Variants in CNBD1 observed in about 807,000 individuals in gnomAD.
CNBD1 encodes cyclic nucleotide binding domain containing 1.
Under a neutral mutation model 54.4 loss-of-function variants are expected in CNBD1, and 71 were observed. The ratio of observed to expected loss-of-function variants is 1.30; its 90% CI spans 1.08 to 1.59. The LOEUF is 1.59. CNBD1 is among the 40% of genes most tolerant of loss of function. CNBD1 has a pLI of 0.00. For synonymous variants in CNBD1, 182 were observed against 170.7 expected (o/e 1.07, Z -0.51); for missense variants, 659 against 518.0 (o/e 1.27, Z -2.64).
At chr8:87,061,190 ACT>A (rs1184701060) in intron 4 of CNBD1, among the ~76,000 whole-genome samples, 1 of 152,156 alleles carries the variant, frequency 6.6e-6, no homozygotes, top group Non-Finnish European at 1.5e-5. Flanking sequence ...TCTGCTCAAC[ACT>A]CACCAATCGG....
intron 4 of CNBD1, among the ~76,000 whole-genome samples, chr8:87,062,963 T>C (rs1414788840): frequency 1.3e-5 from 2 of 152,130 alleles, no homozygotes; most frequent in South Asian, 4.1e-4. Context: ...AATTAACATA[T>C]AGCTGCGTTA....
At chr8:87,319,135 G>T (rs1280939830) in intron 8 of CNBD1, among the ~76,000 whole-genome samples, 1 of 152,112 alleles carries the variant, frequency 6.6e-6, no homozygotes, top group African/African-American at 2.4e-5. Flanking sequence ...AATGCTGAGA[G>T]CACATGAAGG....
At chr8:87,305,510 A>G (rs1457707098) in intron 8 of CNBD1, among the ~76,000 whole-genome samples, 1 of 152,176 alleles carries the variant, frequency 6.6e-6, no homozygotes, top group East Asian at 1.9e-4. Flanking sequence ...AAACTATACT[A>G]TAAGGCCATA....
chr8:86,962,888 C>T (rs1353326389), intron 4 of CNBD1, among the ~76,000 whole-genome samples: 3 of 152,132 alleles, frequency 2.0e-5, no homozygotes, highest in Admixed American at 6.5e-5. Flanking sequence ...TTCCCTTCCC[C>T]TGAGACATGG....
At chr8:86,998,611 A>G (rs1808930083) in intron 4 of CNBD1, among the ~76,000 whole-genome samples, 1 of 152,234 alleles carries the variant, frequency 6.6e-6, no homozygotes, top group Admixed American at 6.5e-5. Flanking sequence ...ATGGGGCTAC[A>G]AATAAATTTT....
At chr8:87,308,161 G>A (rs998451927) in intron 8 of CNBD1, among the ~76,000 whole-genome samples, 2 of 152,048 alleles carry the variant, frequency 1.3e-5, no homozygotes, top group Admixed American at 6.6e-5. Flanking sequence ...GCTGGAGTTG[G>A]GTTACATGCA....
chr8:86,975,262 C>T (rs1808315085), intron 4 of CNBD1, among the ~76,000 whole-genome samples: 1 of 151,936 alleles, frequency 6.6e-6, no homozygotes, highest in Non-Finnish European at 1.5e-5. Context: ...TTTAAAACCA[C>T]TCTTTTTAGC....
intron 2 of CNBD1, among the ~76,000 whole-genome samples, chr8:87,393,542 T>C (rs780627251): frequency 6.6e-5 from 10 of 151,882 alleles, no homozygotes; most frequent in Non-Finnish European, 1.3e-4. Flanking sequence ...CTATAAACCA[T>C]GGTTTCTTCC....
intron 8 of CNBD1, among the ~76,000 whole-genome samples, chr8:87,338,943 G>A (rs558878585): frequency 2.0e-5 from 3 of 152,216 alleles, no homozygotes; most frequent in African/African-American, 7.2e-5. Context: ...GTAAGCCCAT[G>A]TCTCTGAACT....
At chr8:87,147,958 C>G (rs1233431668) in intron 4 of CNBD1, among the ~76,000 whole-genome samples, 1 of 152,010 alleles carries the variant, frequency 6.6e-6, no homozygotes, top group African/African-American at 2.4e-5. Flanking sequence ...ATGCAGGATA[C>G]CTTTCTGAAA....
chr8:87,409,112 A>T (rs1807698286), intron 2 of CNBD1, among the ~76,000 whole-genome samples: 1 of 152,192 alleles, frequency 6.6e-6, no homozygotes, highest in African/African-American at 2.4e-5. Flanking sequence ...TCGAAAGCTG[A>T]GAAAGGCTGA....
chr8:87,205,906 A>T (rs1813961722), intron 4 of CNBD1, 87 bp from the exon 5 acceptor site: 2 of 1,121,008 alleles, frequency 1.8e-6, no homozygotes, highest in East Asian at 6.0e-5. Flanking sequence ...AGAAAATACA[A>T]ATTTGGAAAC....
intron 8 of CNBD1, among the ~76,000 whole-genome samples, chr8:87,329,166 C>A (rs1429607637): frequency 2.0e-5 from 3 of 152,016 alleles, no homozygotes; most frequent in Non-Finnish European, 4.4e-5. Flanking sequence ...CAGCACTGTT[C>A]TTTGGAAAGA....
intron 4 of CNBD1, among the ~76,000 whole-genome samples, chr8:87,115,494 C>A (rs536514833): frequency 6.7e-4 from 102 of 152,238 alleles, no homozygotes; most frequent in Non-Finnish European, 1.2e-3. Context: ...AAGTTGCTCA[C>A]TATTTCTATT....
intron 10 of CNBD1, among the ~76,000 whole-genome samples, chr8:87,368,573 G>A (rs907691422): frequency 1.3e-5 from 2 of 151,828 alleles, no homozygotes; most frequent in Non-Finnish European, 2.9e-5. Context: ...GGAGTTTGAG[G>A]CTGCAGTGAG....
intron 10 of CNBD1, among the ~76,000 whole-genome samples, chr8:87,365,596 T>C (rs569091928): frequency 1.2e-4 from 19 of 152,206 alleles, no homozygotes; most frequent in African/African-American, 4.3e-4. Context: ...TATGTTTACA[T>C]TGCCATGCCA....
In CNBD1 at chr8:87,103,061, A is replaced by G. The variant is rs538253300; in HGVS notation, c.432-102932A>G. Among the ~76,000 whole-genome samples, 6 of 152,332 alleles carry G rather than the reference A, an allele frequency of 3.9e-5. No homozygotes were observed. The East Asian group carries it at 1.2e-3, about 29-fold the overall frequency. ...GAATGCTTAAGAAAGAGCAAAGTTG[A>G]AAAGAAGATGATGAGTTTAGTCTTA... On this transcript the variant is annotated intron_variant, in intron 4 of 10. Transcript: ENST00000518476.
At chr8:87,373,544 T>C (rs1236333419) in intron 10 of CNBD1, among the ~76,000 whole-genome samples, 1 of 151,868 alleles carries the variant, frequency 6.6e-6, no homozygotes, top group Non-Finnish European at 1.5e-5. Context: ...AACTTGTTTT[T>C]CAGCAAGGAC....
intron 4 of CNBD1, among the ~76,000 whole-genome samples, chr8:86,989,699 C>T (rs1313798173): frequency 2.0e-5 from 3 of 152,144 alleles, no homozygotes; most frequent in Non-Finnish European, 2.9e-5. Context: ...AATCCACCCA[C>T]CTCGGCCTCC....
Sources: allele counts gnomAD v4.1 joint callset (sites outside exome capture counted in the v4.1 genomes callset), GRCh38; gene constraint gnomAD v4.1.1; transcripts MANE v1.5; gene names NCBI Gene and HGNC (gene_info 2026-07-23, HGNC 2026-07-21).